EPHA6: variants seen among roughly 807,000 people sequenced by gnomAD.
EPHA6 encodes the protein ephrin type-A receptor 6.
EPHA6 carries 50 observed loss-of-function variants against 112.0 expected under a neutral mutation model. The observed-to-expected ratio is 0.45, with a 90% CI of 0.36 to 0.56. EPHA6 has a LOEUF of 0.56. Ranked by LOEUF, EPHA6 falls within the 20% of genes least tolerant of loss-of-function variation. The pLI, the probability that EPHA6 is intolerant of heterozygous loss-of-function variation, is 0.00. For missense variants in EPHA6, 1,280 were observed against 1,417.4 expected, an observed-to-expected ratio of 0.90 and a Z score of 1.56; for synonymous variants, 529 against 490.7, an observed-to-expected ratio of 1.08 and a Z score of -1.03.
At chr3:97,370,894 C>T (rs571397936) in intron 5 of EPHA6, among the ~76,000 whole-genome samples, 2 of 152,144 alleles carry the variant, frequency 1.3e-5, no homozygotes, top group African/African-American at 2.4e-5. Flanking sequence ...GATGATGTAG[C>T]TAATGAGAGG....
intron 6 of EPHA6, among the ~76,000 whole-genome samples, chr3:97,446,495 T>G (rs758627206): frequency 6.6e-6 from 1 of 152,158 alleles, no homozygotes; most frequent in Non-Finnish European, 1.5e-5. Flanking sequence ...GGATAAGATA[T>G]GTAATTATCC....
Position 96,939,392 on chromosome 3 carries a change from G to A in EPHA6, c.451-47938G>A, listed in dbSNP as rs367886018. ...CTTCTAGATTTTCTAGTTTATTTGC[G>A]TAGAGATGTTTGTAGTATTCTCTGA... On this transcript the variant is annotated intron_variant, in intron 2 of 17. Coordinates refer to ENST00000389672, the MANE Select transcript of EPHA6 (RefSeq NM_001080448.3). Among the ~76,000 whole-genome samples, 9 of 152,240 alleles carry A rather than the reference G, an allele frequency of 5.9e-5. No homozygotes were observed. In the South Asian group the frequency reaches 8.3e-4, roughly 14 times the overall value.
chr3:97,723,319 C>T (rs2034615670), intron 15 of EPHA6, among the ~76,000 whole-genome samples: 1 of 152,184 alleles, frequency 6.6e-6, no homozygotes, highest in African/African-American at 2.4e-5. Flanking sequence ...AGTCCAAACC[C>T]TGTTGTCCAT....
intron 12 of EPHA6, among the ~76,000 whole-genome samples, chr3:97,599,582 T>C (rs1159243015): frequency 6.6e-6 from 1 of 151,490 alleles, no homozygotes. Flanking sequence ...GTTGTAGGTA[T>C]GCGGCGTTAT....
At chr3:97,147,613 TTTAA>T (rs2076074357) in intron 3 of EPHA6, among the ~76,000 whole-genome samples, 1 of 152,136 alleles carries the variant, frequency 6.6e-6, no homozygotes, top group Non-Finnish European at 1.5e-5. Flanking sequence ...TGTTTATTTA[TTTAA>T]TTGAGTGATT....
intron 16 of EPHA6, among the ~76,000 whole-genome samples, chr3:97,741,712 A>G (rs2035512978): frequency 6.6e-6 from 1 of 152,130 alleles, no homozygotes; most frequent in Non-Finnish European, 1.5e-5. Context: ...TCACACAGAA[A>G]GGCAAGATGT....
chr3:97,491,820 C>T (rs9840531), intron 10 of EPHA6, among the ~76,000 whole-genome samples: 2 of 151,762 alleles, frequency 1.3e-5, no homozygotes, highest in African/African-American at 2.4e-5. Flanking sequence ...ATCCCACAGC[C>T]ACCATGTGTT....
chr3:97,442,501 G>A (rs1007278914), intron 6 of EPHA6, among the ~76,000 whole-genome samples: 2 of 152,008 alleles, frequency 1.3e-5, no homozygotes, highest in Non-Finnish European at 2.9e-5. Flanking sequence ...CAGAAGAATC[G>A]CTTGAACCAC....
At chr3:97,500,538 T>G (rs2092092839) in intron 10 of EPHA6, among the ~76,000 whole-genome samples, 2 of 151,964 alleles carry the variant, frequency 1.3e-5, no homozygotes, top group Non-Finnish European at 2.9e-5. Flanking sequence ...GCTAAACCAT[T>G]CATGAGAAAT....
intron 2 of EPHA6, among the ~76,000 whole-genome samples, chr3:96,908,501 G>T (rs916545852): frequency 6.6e-6 from 1 of 151,670 alleles, no homozygotes. Context: ...TTTTGTGCTT[G>T]GATAGCTTAT....
intron 15 of EPHA6, among the ~76,000 whole-genome samples, chr3:97,722,116 G>T (rs1200694949): frequency 6.6e-6 from 1 of 152,050 alleles, no homozygotes; most frequent in East Asian, 1.9e-4. Flanking sequence ...TCCCTAATTG[G>T]TATTCTATTT....
intron 2 of EPHA6, among the ~76,000 whole-genome samples, chr3:96,941,325 C>T (rs2040929969): frequency 6.6e-6 from 1 of 152,004 alleles, no homozygotes; most frequent in Non-Finnish European, 1.5e-5. Flanking sequence ...TCTAAACTTC[C>T]CTTCTCGCTT....
chr3:97,133,433 T>A (rs559974531), intron 3 of EPHA6, among the ~76,000 whole-genome samples: 3 of 152,096 alleles, frequency 2.0e-5, no homozygotes, highest in South Asian at 4.1e-4. Context: ...TCTTCTGTTT[T>A]CCTACAAAAA....
At chr3:97,078,786 T>G (rs894842762) in intron 3 of EPHA6, among the ~76,000 whole-genome samples, 1 of 152,156 alleles carries the variant, frequency 6.6e-6, no homozygotes, top group Non-Finnish European at 1.5e-5. Flanking sequence ...TGATAAAACT[T>G]GAATGGATGA....
chr3:97,646,330 G>T (rs544688108), intron 14 of EPHA6: 3 of 1,475,678 alleles, frequency 2.0e-6, no homozygotes, highest in East Asian at 2.5e-5. Flanking sequence ...TCAGAGCCCC[G>T]TTTAAAAATC....
At chr3:97,609,642 TAA>T (rs1380280401) in intron 12 of EPHA6, among the ~76,000 whole-genome samples, 5 of 151,494 alleles carry the variant, frequency 3.3e-5, no homozygotes, top group Admixed American at 6.6e-5. Context: ...GATTCAAATG[TAA>T]AGTCTAGCAT....
chr3:97,127,312 C>T (rs1032295794), intron 3 of EPHA6, among the ~76,000 whole-genome samples: 7 of 152,104 alleles, frequency 4.6e-5, no homozygotes, highest in African/African-American at 7.2e-5. Flanking sequence ...TTCCTTTCCT[C>T]CAGGTATAGG....
intron 2 of EPHA6, among the ~76,000 whole-genome samples, chr3:96,908,142 A>T (rs1192975551): frequency 1.3e-5 from 2 of 152,034 alleles, no homozygotes; most frequent in African/African-American, 4.8e-5. Context: ...ACACTAAGCC[A>T]TGTGATATGC....
intron 3 of EPHA6, among the ~76,000 whole-genome samples, chr3:97,077,619 C>T (rs1200252384): frequency 6.6e-6 from 1 of 151,914 alleles, no homozygotes; most frequent in Non-Finnish European, 1.5e-5. Flanking sequence ...GTTCATTTCC[C>T]ACCTATGAGT....
Sources: allele counts gnomAD v4.1 joint callset (sites outside exome capture counted in the v4.1 genomes callset), GRCh38; gene constraint gnomAD v4.1.1; transcripts MANE v1.5; gene names NCBI Gene and HGNC (gene_info 2026-07-23, HGNC 2026-07-21).